The following SNX25 variants were observed in gnomAD, a reference collection of about 807,000 sequenced individuals.
The protein encoded by SNX25 is sorting nexin-25.
SNX25 carries 62 observed loss-of-function variants against 113.7 expected under a neutral mutation model. The ratio of observed to expected loss-of-function variants is 0.55; its 90% CI spans 0.44 to 0.67. SNX25 has a LOEUF of 0.67. Among genes scored for constraint, SNX25 ranks in the 30% least tolerant of loss-of-function variants. The pLI is 0.00. For missense variants in SNX25, 1,014 were observed against 1,161.0 expected (o/e 0.87, Z 1.84); for synonymous variants, 421 against 436.2 (o/e 0.97, Z 0.43).
In SNX25 at chr4:185,339,367, T is replaced by A; in HGVS notation, c.1915-12T>A. 1 of 1,613,364 alleles carries A rather than the reference T, an allele frequency of 6.2e-7. No individual in the cohort carries two copies. Among genetic ancestry groups the A allele is most frequent in the Non-Finnish European group, 8.5e-7 (1 of 1,179,564 alleles). On this transcript the variant is annotated splice_polypyrimidine_tract_variant and intron_variant, in intron 10 of 18. Coordinates refer to ENST00000652585, the MANE Select transcript of SNX25 (RefSeq NM_001378034.2). ...TGTTTTCATAACTCCCAGGATATTT[T>A]CCCTGTGGCAGATTGTTTCCAAGTT...
intron 7 of SNX25, among the ~76,000 whole-genome samples, chr4:185,318,421 GA>G (rs1429191664): frequency 1.3e-5 from 2 of 152,140 alleles, no homozygotes; most frequent in African/African-American, 4.8e-5. Flanking sequence ...TGTGTCTTCA[GA>G]TAGGTTCTTT....
At chr4:185,233,030 T>G (rs932371464) in intron 1 of SNX25, among the ~76,000 whole-genome samples, 2 of 152,190 alleles carry the variant, frequency 1.3e-5, no homozygotes, top group Non-Finnish European at 2.9e-5. Flanking sequence ...ACACCTGTTA[T>G]GCTAGCACTT....
At chr4:185,282,018 A>G (rs913001498) in intron 5 of SNX25, among the ~76,000 whole-genome samples, 7 of 152,144 alleles carry the variant, frequency 4.6e-5, no homozygotes, top group Non-Finnish European at 1.5e-5. Context: ...TCCATCTCAA[A>G]ATAAATAAAT....
At chr4:185,228,760 A>G (rs1404241783) in intron 1 of SNX25, among the ~76,000 whole-genome samples, 3 of 152,200 alleles carry the variant, frequency 2.0e-5, no homozygotes, top group Admixed American at 6.5e-5. Flanking sequence ...ATTGGAGAGA[A>G]TAAGAGCAGA....
At chr4:185,239,751 AAAAT>A (rs1457664048) in intron 1 of SNX25, among the ~76,000 whole-genome samples, 1 of 147,068 alleles carries the variant, frequency 6.8e-6, no homozygotes, top group East Asian at 2.0e-4. Flanking sequence ...ATTTAAATAG[AAAAT>A]AAGGTGTATT....
intron 9 of SNX25, among the ~76,000 whole-genome samples, chr4:185,327,568 C>A (rs542572430): frequency 6.6e-6 from 1 of 152,148 alleles, no homozygotes; most frequent in South Asian, 2.1e-4. Context: ...TCTTTAATAT[C>A]TTTTGCATAG....
At chr4:185,259,574 G>A (rs1459808649) in intron 3 of SNX25, among the ~76,000 whole-genome samples, 3 of 152,094 alleles carry the variant, frequency 2.0e-5, no homozygotes, top group Admixed American at 6.6e-5. Context: ...AGGCTTGTTA[G>A]GCCTTTGTAT....
At chr4:185,240,982 TCA>T (rs1404890568) in intron 1 of SNX25, among the ~76,000 whole-genome samples, 7 of 148,324 alleles carry the variant, frequency 4.7e-5, no homozygotes, top group African/African-American at 1.7e-4. Flanking sequence ...GAGACGCTCC[TCA>T]CTTTCCAGAC....
rs2126633281 is a variant in SNX25, at chr4:185,297,204, A to G, written c.1162+9122A>G. On this transcript the variant is annotated intron_variant, in intron 6 of 18. Coordinates refer to ENST00000652585, the MANE Select transcript of SNX25 (RefSeq NM_001378034.2). ...GCTACATGTTACTATTTAAATTTAAATGAATTAAAAGTAAGTACAAATTCA... is the reference window on the plus strand; with the variant it reads ...GCTACATGTTACTATTTAAATTTAAGTGAATTAAAAGTAAGTACAAATTCA... 1.3e-5 allele frequency among the ~76,000 whole-genome samples: 2 copies of G among 152,332 alleles called. 1 individual carries two copies. The highest frequency in any genetic ancestry group is 2.9e-5 in the Non-Finnish European group (2 of 68,042).
intron 1 of SNX25, among the ~76,000 whole-genome samples, chr4:185,238,923 C>T (rs1428717755): frequency 6.6e-6 from 1 of 152,124 alleles, no homozygotes; most frequent in Non-Finnish European, 1.5e-5. Flanking sequence ...AAACAGTGGA[C>T]AATGAGGTGT....
intron 4 of SNX25, among the ~76,000 whole-genome samples, chr4:185,265,990 A>G (rs947934853): frequency 3.3e-5 from 5 of 152,230 alleles, no homozygotes; most frequent in Non-Finnish European, 5.9e-5. Context: ...TGTGATTACT[A>G]GAAAAAAGTT....
At chr4:185,367,927 C>A (rs768055515), downstream of SNX25, among the ~76,000 whole-genome samples, 10 of 152,160 alleles carry the variant, frequency 6.6e-5, no homozygotes, top group Non-Finnish European at 1.0e-4. Flanking sequence ...CACCTGTAAT[C>A]CCAGCACTTT....
chr4:185,264,518 G>A lies in SNX25; in HGVS notation c.812G>A (p.Cys271Tyr), dbSNP rs1560948493. Residue 271 changes from cysteine (C) to tyrosine (Y), a missense_variant, in exon 4 of 19, where the codon TGT (cysteine) becomes TAT (tyrosine). Transcript: ENST00000652585. ...GATGAAGTAAGATTTCTACAAACGT[G>A]TTCTCGGGTTCTGGTGTTTTGTCTC... Reference protein sequence around the residue: ...SDDEVRFLQTCSRVLVFCLLP... With the variant: ...SDDEVRFLQTYSRVLVFCLLP... 1 of 1,614,058 alleles carries A rather than the reference G, an allele frequency of 6.2e-7. No homozygotes were observed. The highest frequency in any genetic ancestry group is 2.2e-5 in the East Asian group (1 of 44,858).
intron 1 of SNX25, among the ~76,000 whole-genome samples, chr4:185,221,109 C>T (rs1369190725): frequency 4.6e-5 from 7 of 151,686 alleles, no homozygotes; most frequent in African/African-American, 1.5e-4. Flanking sequence ...CTTGGCTCAC[C>T]GCAACCTCCA....
chr4:185,354,041 CAAAAAAA>C (rs138207766), intron 15 of SNX25, among the ~76,000 whole-genome samples: 1 of 84,534 alleles, frequency 1.2e-5, no homozygotes, highest in African/African-American at 4.2e-5. Flanking sequence ...GACTCCGTCT[CAAAAAAA>C]AAAAAAAAAA....
At chr4:185,296,610 A>G (rs1246988134) in intron 6 of SNX25, among the ~76,000 whole-genome samples, 1 of 152,148 alleles carries the variant, frequency 6.6e-6, no homozygotes, top group African/African-American at 2.4e-5. Context: ...TTCTGGGGAA[A>G]ATAATTGAAA....
chr4:185,372,859 T>A, downstream of SNX25: 2 of 1,599,186 alleles, frequency 1.3e-6, no homozygotes, highest in Non-Finnish European at 1.7e-6. Context: ...CATTCACCTT[T>A]TGGAAAATGC....
intron 1 of SNX25, among the ~76,000 whole-genome samples, chr4:185,235,363 C>T (rs904131119): frequency 4.6e-5 from 7 of 152,228 alleles, no homozygotes; most frequent in African/African-American, 1.7e-4. Context: ...AGGCCCTGAC[C>T]TGTGCCTTCA....
chr4:185,368,926 TG>T, downstream of SNX25, among the ~76,000 whole-genome samples: 1 of 151,616 alleles, frequency 6.6e-6, no homozygotes, highest in Non-Finnish European at 1.5e-5. Context: ...CCCGAGTAGC[TG>T]GGACTATGGA....
Sources: allele counts gnomAD v4.1 joint callset (sites outside exome capture counted in the v4.1 genomes callset), GRCh38; gene constraint gnomAD v4.1.1; transcripts MANE v1.5; gene names NCBI Gene and HGNC (gene_info 2026-07-23, HGNC 2026-07-21).